Variants in SUSD5 observed in about 807,000 individuals in gnomAD.
SUSD5 encodes the protein sushi domain containing 5.
Under a neutral mutation model 29.5 loss-of-function variants are expected in SUSD5, and 33 were observed. That is an observed-to-expected ratio of 1.12 (90% CI 0.85 to 1.49). The LOEUF (loss-of-function observed/expected upper bound fraction) is 1.49. Among genes scored for constraint, SUSD5 ranks in the 40% most tolerant of loss-of-function variants. The probability of loss-of-function intolerance (pLI) is 0.00; values close to 1 mark genes in which losing one functional copy is unlikely to be tolerated. For missense variants in SUSD5, 776 were observed against 800.6 expected (o/e 0.97, Z 0.37); for synonymous variants, 308 against 325.3 (o/e 0.95, Z 0.57).
intron 4 of SUSD5, among the ~76,000 whole-genome samples, chr3:33,164,092 T>G (rs893612534): frequency 2.4e-4 from 36 of 152,092 alleles, no homozygotes; most frequent in African/African-American, 8.7e-4. Flanking sequence ...GAGAATCACT[T>G]GAACCCAGGA....
chr3:33,160,538 A>G (rs1323187526), intron 4 of SUSD5, among the ~76,000 whole-genome samples: 1 of 152,182 alleles, frequency 6.6e-6, no homozygotes, highest in Non-Finnish European at 1.5e-5. Context: ...TGGGCAACAT[A>G]CTACTTCAGC....
chr3:33,178,455 T>C (rs1020435420), intron 3 of SUSD5, among the ~76,000 whole-genome samples: 13 of 151,634 alleles, frequency 8.6e-5, no homozygotes, highest in African/African-American at 1.2e-4. Flanking sequence ...TGTTGTTGTT[T>C]TGTTTTTTTT....
chr3:33,189,818 C>T (rs2031855018), intron 3 of SUSD5, among the ~76,000 whole-genome samples: 1 of 152,176 alleles, frequency 6.6e-6, no homozygotes, highest in African/African-American at 2.4e-5. Context: ...GAATACAAAA[C>T]ACAAGTGAGT....
chr3:33,177,831 C>T (rs750346894), intron 3 of SUSD5, among the ~76,000 whole-genome samples: 11 of 152,048 alleles, frequency 7.2e-5, no homozygotes, highest in African/African-American at 1.4e-4. Context: ...GCAGAACGTG[C>T]GGGTTTGTTA....
rs961420402 is a variant in SUSD5, at chr3:33,207,664, C to T, written c.409+144G>A. The T allele has an allele frequency of 8.8e-6, 5 of 571,284 alleles. No individual in the cohort carries two copies. In the South Asian group the frequency reaches 1.1e-4, roughly 13 times the overall value. 35.4% of individuals were successfully genotyped at this position (571,284 alleles called of 1,614,324 possible). A position where few individuals can be genotyped will look rare whatever the true frequency, so the allele number is the denominator to read the frequency against. On this transcript the variant is annotated intron_variant, in intron 3 of 4. Transcript: ENST00000309558. The stretch of plus-strand genomic sequence containing the variant: ...TCATCTTGTCCACTTCCCCACCGCA[C>T]TATTGGCTTTTCTTTGGAAGACTTC...
chr3:33,151,657 G>T lies in SUSD5; in HGVS notation c.*1085C>A, dbSNP rs1321916978. 1 of 152,058 alleles carries T rather than the reference G, an allele frequency of 6.6e-6. No individual in the cohort carries two copies. Among genetic ancestry groups the T allele is most frequent in the Non-Finnish European group, 1.5e-5 (1 of 68,036 alleles). The allele number at this position is 152,058 out of a possible 1,614,324, so 9.4% of individuals were successfully genotyped here. ...TTGTTAGTCCTGGCAAAAATTCCAA[G>T]ACATTCCTAGGCACAGACTGGTCAA... On this transcript the variant is annotated 3_prime_UTR_variant, in exon 5 of 5. Transcript: ENST00000309558.
chr3:33,199,004 C>T (rs765860030), intron 3 of SUSD5, among the ~76,000 whole-genome samples: 2 of 151,944 alleles, frequency 1.3e-5, no homozygotes, highest in East Asian at 1.9e-4. Context: ...AGAATACCCA[C>T]GTAAAAGATA....
At chr3:33,185,855 A>G (rs530515667) in intron 3 of SUSD5, among the ~76,000 whole-genome samples, 3 of 152,340 alleles carry the variant, frequency 2.0e-5, no homozygotes, top group Non-Finnish European at 4.4e-5. Context: ...ATAATGCTTC[A>G]ATGAACAGTC....
rs987856504 is a variant in SUSD5, at chr3:33,151,137, T to G, written c.*1605A>C. ...TCGAAGTTCACATTTGAGATTATTATAAACCAACAGGCTCTCAAACTTGAG... is the reference window on the plus strand; with the variant it reads ...TCGAAGTTCACATTTGAGATTATTAGAAACCAACAGGCTCTCAAACTTGAG... On this transcript the variant is annotated 3_prime_UTR_variant, in exon 5 of 5. Transcript: ENST00000309558. The G allele has an allele frequency of 6.6e-6, 1 of 152,180 alleles. No individual in the cohort carries two copies. Among genetic ancestry groups the G allele is most frequent in the African/African-American group, 2.4e-5 (1 of 41,416 alleles). 9.4% of individuals were successfully genotyped at this position (152,180 alleles called of 1,614,324 possible).
chr3:33,165,835 G>A (rs1267121297), intron 4 of SUSD5, among the ~76,000 whole-genome samples: 1 of 152,122 alleles, frequency 6.6e-6, no homozygotes. Flanking sequence ...AGATGTCTGT[G>A]CTATCTCAAG....
intron 3 of SUSD5, among the ~76,000 whole-genome samples, chr3:33,200,635 C>A (rs1365826417): frequency 1.2e-4 from 18 of 152,086 alleles, no homozygotes. Flanking sequence ...CAGAAGGAAA[C>A]GAGAGCTGTA....
intron 3 of SUSD5, among the ~76,000 whole-genome samples, chr3:33,185,093 CTTT>C (rs1193344479): frequency 6.6e-6 from 1 of 152,172 alleles, no homozygotes; most frequent in Non-Finnish European, 1.5e-5. Context: ...AGGTCTCAGT[CTTT>C]TGTCAGCATG....
At position 33,153,783 on chromosome 3, in the gene SUSD5, T is replaced by G. The variant is rs1208930918; in HGVS notation, c.849A>C (p.Ser283=). The change falls in exon 5 of 5, where the codon TCA becomes TCC. Residue 283 remains serine (S), a synonymous_variant. Transcript: ENST00000309558. ...GCTTCTGGAGCAGCCGTGATCCTGG[T>G]GAATCTGCGGGGACACTGCTCCCAG... ...PGAGSSVPAD[S]PGSRLLQKHL... is the part of the protein sequence containing the mutation. 10 of 1,613,992 alleles carry G rather than the reference T, an allele frequency of 6.2e-6. No homozygotes were observed. The highest frequency in any genetic ancestry group is 5.5e-5 in the South Asian group (5 of 91,076).
At chr3:33,205,637 CA>C (rs2032203832) in intron 3 of SUSD5, among the ~76,000 whole-genome samples, 1 of 152,344 alleles carries the variant, frequency 6.6e-6, no homozygotes, top group African/African-American at 2.4e-5. Context: ...CACACACTTG[CA>C]TACACATAAC....
rs1559441466 is a variant in SUSD5, at chr3:33,152,591, T to C, written c.*151A>G. 8 of 834,860 alleles carry C rather than the reference T, an allele frequency of 9.6e-6. No individual in the cohort carries two copies. The highest frequency in any genetic ancestry group is 1.5e-5 in the Non-Finnish European group (8 of 545,382). 51.7% of individuals were successfully genotyped at this position (834,860 alleles called of 1,614,324 possible). ...AAAGCCTCCCTGCCCTCCCAGGTGC[T>C]CCAGAGACACTTCTCAGCCTATAAA... On this transcript the variant is annotated 3_prime_UTR_variant, in exon 5 of 5. Transcript: ENST00000309558.
intron 3 of SUSD5, among the ~76,000 whole-genome samples, chr3:33,177,470 T>C (rs1431117029): frequency 6.6e-6 from 1 of 152,216 alleles, no homozygotes; most frequent in African/African-American, 2.4e-5. Context: ...ATTTCATTTT[T>C]CCTTGGGGTG....
At chr3:33,183,531 T>C (rs546963943) in intron 3 of SUSD5, among the ~76,000 whole-genome samples, 1 of 152,342 alleles carries the variant, frequency 6.6e-6, no homozygotes, top group East Asian at 1.9e-4. Context: ...TACCTTATAA[T>C]AACAAAATAT....
Position 33,153,442 on chromosome 3 carries a change from C to T in SUSD5, c.1190G>A (p.Gly397Glu), listed in dbSNP as rs2030966052. The change falls in exon 5 of 5, where the codon GGG becomes GAG. Residue 397 changes from glycine (G) to glutamate (E), a missense_variant. Gly to Glu is a moderately conservative substitution (Grantham distance 98, BLOSUM62 -2). Transcript: ENST00000309558. The part of the protein sequence containing the change: ...EEEEDGDRGD[G>E]SVGLDENVLV... ...GACGTTTTCATCCAGCCCTACTGAC[C>T]CATCCCCTCTGTCCCCATCTTCTTC... The T allele has an allele frequency of 6.2e-7, 1 of 1,613,850 alleles. No individual in the cohort carries two copies. The highest frequency in any genetic ancestry group is 1.7e-5 in the Admixed American group (1 of 59,970).
chr3:33,165,058 T>C (rs1041762221), intron 4 of SUSD5, among the ~76,000 whole-genome samples: 2 of 150,314 alleles, frequency 1.3e-5, no homozygotes, highest in Admixed American at 1.3e-4. Context: ...TTCTAGAAAA[T>C]GCAAAACTCT....
Sources: gnomAD v4.1 joint callset for allele counts (sites outside exome capture counted in the v4.1 genomes callset) on GRCh38, gnomAD v4.1.1 for gene constraint, MANE v1.5 for transcripts, NCBI Gene and HGNC (gene_info 2026-07-23, HGNC 2026-07-21) for gene names.